PLPP3: variants seen among roughly 807,000 people sequenced by gnomAD.
The protein encoded by PLPP3 is phospholipid phosphatase 3.
In PLPP3, 6 loss-of-function variants were observed where a neutral mutation model predicts 29.6. The observed-to-expected ratio is 0.20, with a 90% confidence interval of 0.11 to 0.40. PLPP3 has a LOEUF of 0.40. Among genes scored for constraint, PLPP3 ranks in the 10% least tolerant of loss-of-function variants. The pLI, the probability that PLPP3 is intolerant of heterozygous loss-of-function variation, is 1.00. For missense variants in PLPP3, 308 were observed against 407.7 expected, an observed-to-expected ratio of 0.76 and a Z score of 2.11; for synonymous variants, 152 against 159.7, an observed-to-expected ratio of 0.95 and a Z score of 0.36.
At chr1:56,558,909 C>A (rs149249949) in intron 1 of PLPP3, among the ~76,000 whole-genome samples, 2 of 152,346 alleles carry the variant, frequency 1.3e-5, no homozygotes, top group African/African-American at 4.8e-5. Context: ...TCAACACAGT[C>A]AAGACCTCCA....
chr1:56,506,673 A>G (rs1395100022), intron 5 of PLPP3, among the ~76,000 whole-genome samples: 1 of 152,158 alleles, frequency 6.6e-6, no homozygotes, highest in East Asian at 1.9e-4. Context: ...CCAGACAGGA[A>G]ATGAACCGAT....
At chr1:56,567,845 A>G (rs1646171727) in intron 1 of PLPP3, among the ~76,000 whole-genome samples, 1 of 152,256 alleles carries the variant, frequency 6.6e-6, no homozygotes, top group South Asian at 2.1e-4. Flanking sequence ...TTATATGGAT[A>G]TTCATAGCAG....
chr1:56,575,378 A>G (rs1646228869), intron 1 of PLPP3, among the ~76,000 whole-genome samples: 1 of 152,222 alleles, frequency 6.6e-6, no homozygotes, highest in Admixed American at 6.5e-5. Flanking sequence ...CCATATATAG[A>G]ACCAGTTCTA....
chr1:56,575,803 A>C (rs1218259149), intron 1 of PLPP3, among the ~76,000 whole-genome samples: 1 of 152,172 alleles, frequency 6.6e-6, no homozygotes, highest in African/African-American at 2.4e-5. Flanking sequence ...TATAAAAAAG[A>C]GACTAACAGA....
intron 1 of PLPP3, among the ~76,000 whole-genome samples, chr1:56,575,487 G>T (rs532620696): frequency 6.6e-6 from 1 of 152,298 alleles, no homozygotes; most frequent in Middle Eastern, 3.4e-3. Context: ...CCCAAATTCC[G>T]TATTACTGAC....
intron 1 of PLPP3, among the ~76,000 whole-genome samples, chr1:56,558,788 T>C (rs1030479907): frequency 6.6e-6 from 1 of 152,214 alleles, no homozygotes; most frequent in Non-Finnish European, 1.5e-5. Context: ...TTCCACTGTG[T>C]TCCAATGTCT....
intron 1 of PLPP3, among the ~76,000 whole-genome samples, chr1:56,557,022 G>GAA (rs1366799695): frequency 0.042 from 550 of 13,010 alleles, 52 homozygotes; most frequent in Non-Finnish European, 0.076. Context: ...GAGAGAGAGA[G>GAA]AGAAAGAGAG....
chr1:56,571,179 A>T (rs1388134728), intron 1 of PLPP3, among the ~76,000 whole-genome samples: 1 of 152,224 alleles, frequency 6.6e-6, no homozygotes, highest in Admixed American at 6.5e-5. Context: ...TCACTGGACA[A>T]TTACTAACCA....
intron 4 of PLPP3, chr1:56,513,275 C>T (rs938419438): frequency 2.6e-5 from 4 of 152,594 alleles, no homozygotes; most frequent in Middle Eastern, 3.2e-3. Context: ...AGTTATCTTG[C>T]TGCAGTTTCC....
At chr1:56,551,020 C>A (rs978514840) in intron 1 of PLPP3, among the ~76,000 whole-genome samples, 1 of 152,070 alleles carries the variant, frequency 6.6e-6, no homozygotes, top group African/African-American at 2.4e-5. Context: ...TAGGCCTTTG[C>A]GAACTCTGGC....
intron 4 of PLPP3, chr1:56,513,143 A>T (rs1178219601): frequency 4.6e-5 from 7 of 152,564 alleles, no homozygotes; most frequent in Non-Finnish European, 2.9e-5. Context: ...ATAGAAGTTG[A>T]CAGACACTAG....
At chr1:56,557,030 G>A (rs57071911) in intron 1 of PLPP3, among the ~76,000 whole-genome samples, 2,186 of 18,434 alleles carry the variant, frequency 0.12, 468 homozygotes, top group Middle Eastern at 0.25. Context: ...GAGAGAAAGA[G>A]AGAGAGAGAG....
intron 1 of PLPP3, among the ~76,000 whole-genome samples, chr1:56,548,329 T>C (rs1047627473): frequency 6.6e-6 from 1 of 152,272 alleles, no homozygotes; most frequent in Non-Finnish European, 1.5e-5. Flanking sequence ...GCTGAAAAGT[T>C]TGAAGTCCAA....
At chr1:56,523,082 G>A (rs1557502686) in intron 4 of PLPP3, among the ~76,000 whole-genome samples, 1 of 152,146 alleles carries the variant, frequency 6.6e-6, no homozygotes, top group Admixed American at 6.5e-5. Context: ...ACTCAAACAT[G>A]CTGCTTATCC....
intron 1 of PLPP3, among the ~76,000 whole-genome samples, chr1:56,576,228 T>C (rs1030354459): frequency 3.9e-5 from 6 of 152,212 alleles, no homozygotes; most frequent in African/African-American, 1.2e-4. Context: ...AAGTTTCTTA[T>C]ATATTCCTGT....
chr1:56,499,427 C>A (rs1645651778), intron 5 of PLPP3, among the ~76,000 whole-genome samples: 1 of 152,172 alleles, frequency 6.6e-6, no homozygotes, highest in South Asian at 2.1e-4. Flanking sequence ...TCCCTAATCA[C>A]CCTGAATCAC....
rs1645631287 is a variant in PLPP3 at position 56,496,391 on chromosome 1, A to G, written c.*160T>C. 5.0e-6 allele frequency: 4 copies of G among 805,328 alleles called. No homozygotes were observed. Among genetic ancestry groups the G allele is most frequent in the African/African-American group, 1.7e-5 (1 of 57,396 alleles). 49.9% of individuals were successfully genotyped at this position (805,328 alleles called of 1,614,324 possible). ...GTTTCCACATAGGCAAACACTACCT[A>G]TTTTGGAAGGCCACATAGTAAAACA... On this transcript the variant is annotated 3_prime_UTR_variant, in exon 6 of 6. Coordinates refer to ENST00000371250, the MANE Select transcript of PLPP3 (RefSeq NM_003713.5).
rs532264136 is a variant in PLPP3, at chr1:56,496,019, A to C, written c.*532T>G. 4 of 153,608 alleles carry C rather than the reference A, an allele frequency of 2.6e-5. No homozygotes were observed. The South Asian group carries it at 8.2e-4, about 31-fold the overall frequency. 9.5% of individuals were successfully genotyped at this position (153,608 alleles called of 1,614,324 possible). A position where few individuals can be genotyped will look rare whatever the true frequency, so the allele number is the denominator to read the frequency against. ...ACTGGGAATCTAGATTCGGGATCTG[A>C]TCACTTGACTGAGCAAACTTGCTCT... On this transcript the variant is annotated 3_prime_UTR_variant, in exon 6 of 6. Coordinates refer to ENST00000371250, the MANE Select transcript of PLPP3 (RefSeq NM_003713.5).
intron 1 of PLPP3, among the ~76,000 whole-genome samples, chr1:56,539,424 A>G (rs1250368191): frequency 6.6e-6 from 1 of 152,188 alleles, no homozygotes; most frequent in Non-Finnish European, 1.5e-5. Flanking sequence ...GCATACACAC[A>G]TGGATTTATT....
Sources: gnomAD v4.1 joint callset for allele counts (sites outside exome capture counted in the v4.1 genomes callset) on GRCh38, gnomAD v4.1.1 for gene constraint, MANE v1.5 for transcripts, NCBI Gene and HGNC (gene_info 2026-07-23, HGNC 2026-07-21) for gene names.